The following THRB variants were observed in gnomAD, a reference collection of about 807,000 sequenced individuals.
THRB encodes the protein nuclear receptor subfamily 1 group A member 2.
Under a neutral mutation model 47.8 loss-of-function variants are expected in THRB, and 12 were observed. That is an observed-to-expected ratio of 0.25 (90% CI 0.16 to 0.41). The LOEUF is 0.41. Among genes scored for constraint, THRB ranks in the 10% least tolerant of loss-of-function variants. THRB has a pLI of 1.00. For missense variants in THRB, 348 were observed against 589.2 expected (o/e 0.59, Z 4.24); for synonymous variants, 218 against 212.2 (o/e 1.03, Z -0.24).
intron 2 of THRB, among the ~76,000 whole-genome samples, chr3:24,316,328 T>A (rs987185351): frequency 3.3e-5 from 5 of 152,212 alleles, no homozygotes; most frequent in Non-Finnish European, 5.9e-5. Context: ...ATATATTTTT[T>A]AAATATACTG....
intron 1 of THRB, among the ~76,000 whole-genome samples, chr3:24,380,170 T>C (rs1459347038): frequency 6.7e-6 from 1 of 148,818 alleles, no homozygotes; most frequent in Non-Finnish European, 1.5e-5. Flanking sequence ...GTTTACCTAC[T>C]TATGCAACCC....
chr3:24,281,211 G>A (rs899903160), intron 3 of THRB, among the ~76,000 whole-genome samples: 15 of 152,136 alleles, frequency 9.9e-5, no homozygotes, highest in African/African-American at 3.6e-4. Context: ...CCCTCAAAGG[G>A]AAGCCCATCA....
chr3:24,226,825 C>A (rs2047701428), intron 4 of THRB, among the ~76,000 whole-genome samples: 1 of 152,232 alleles, frequency 6.6e-6, no homozygotes, highest in Non-Finnish European at 1.5e-5. Flanking sequence ...AAACCACAGC[C>A]AAGTCTATTT....
At chr3:24,374,263 T>G (rs1441602761) in intron 1 of THRB, among the ~76,000 whole-genome samples, 1 of 152,080 alleles carries the variant, frequency 6.6e-6, no homozygotes, top group East Asian at 1.9e-4. Context: ...GTACTAAATA[T>G]TGTCAGAGAC....
At chr3:24,140,383 G>C (rs1393133412) in intron 8 of THRB, among the ~76,000 whole-genome samples, 6 of 152,076 alleles carry the variant, frequency 3.9e-5, no homozygotes. Context: ...GGCACAGCTA[G>C]GGGGCCCTCA....
At chr3:24,260,299 C>T (rs926551886) in intron 3 of THRB, among the ~76,000 whole-genome samples, 6 of 152,116 alleles carry the variant, frequency 3.9e-5, no homozygotes, top group African/African-American at 9.7e-5. Context: ...CAGCCCTTGC[C>T]GTATCCAGCA....
At chr3:24,271,005 A>G in intron 3 of THRB, among the ~76,000 whole-genome samples, 1 of 152,178 alleles carries the variant, frequency 6.6e-6, no homozygotes, top group Admixed American at 6.5e-5. Context: ...CTGGTCTAAC[A>G]AATTTTTCCT....
At chr3:24,244,073 G>T (rs547123598) in intron 3 of THRB, among the ~76,000 whole-genome samples, 1 of 152,250 alleles carries the variant, frequency 6.6e-6, no homozygotes, top group East Asian at 1.9e-4. Flanking sequence ...CTAGGGCTGG[G>T]TGGTGGGGGT....
At chr3:24,363,784 A>G (rs1431814630) in intron 1 of THRB, among the ~76,000 whole-genome samples, 2 of 152,208 alleles carry the variant, frequency 1.3e-5, no homozygotes, top group African/African-American at 4.8e-5. Context: ...AATACACTTC[A>G]TAATTTCCAA....
At chr3:24,483,553 G>C (rs941331489) in intron 1 of THRB, among the ~76,000 whole-genome samples, 34 of 150,754 alleles carry the variant, frequency 2.3e-4, no homozygotes, top group African/African-American at 7.5e-4. Flanking sequence ...GGATTCATCA[G>C]CAAGTTCCCA....
At chr3:24,330,404 T>C (rs1469616363) in intron 2 of THRB, among the ~76,000 whole-genome samples, 1 of 152,260 alleles carries the variant, frequency 6.6e-6, no homozygotes, top group African/African-American at 2.4e-5. Flanking sequence ...GTTTAAGTTA[T>C]AAGGCAGTTC....
In THRB at chr3:24,152,426, C is replaced by G. The variant is rs1417007751; in HGVS notation, c.348G>C (p.Gly116=). The change falls in exon 6 of 11, where the codon GGG becomes GGC. Residue 116 remains glycine (G), a synonymous_variant. Transcript: ENST00000646209. ...CACACGTGATACAGCGGTAGTGATA[C>G]CCGGTGGCTTTGTCACCACACACTA... ...LCVVCGDKAT[G]YHYRCITCEG... 18 of 1,613,224 alleles carry G rather than the reference C, an allele frequency of 1.1e-5. No individual in the cohort carries two copies. In the East Asian group the frequency reaches 1.3e-4, roughly 12 times the overall value.
chr3:24,183,429 C>G (rs1217610474), intron 5 of THRB, among the ~76,000 whole-genome samples: 2 of 146,124 alleles, frequency 1.4e-5, no homozygotes, highest in African/African-American at 5.1e-5. Flanking sequence ...TGCAATGGCG[C>G]TATCTTGGCT....
At chr3:24,178,370 G>A (rs2041450243) in intron 5 of THRB, among the ~76,000 whole-genome samples, 1 of 152,112 alleles carries the variant, frequency 6.6e-6, no homozygotes, top group Non-Finnish European at 1.5e-5. Flanking sequence ...GCTCATGCCT[G>A]TAACCCAGAG....
intron 3 of THRB, among the ~76,000 whole-genome samples, chr3:24,280,687 GA>G (rs1003704242): frequency 4.6e-5 from 7 of 152,108 alleles, no homozygotes; most frequent in Admixed American, 2.0e-4. Flanking sequence ...TGAAAACTTT[GA>G]AAAAAACTTA....
chr3:24,347,992 C>A (rs974923422), intron 1 of THRB, among the ~76,000 whole-genome samples: 2 of 151,920 alleles, frequency 1.3e-5, no homozygotes, highest in African/African-American at 2.4e-5. Context: ...TTTTATGAGG[C>A]CAGCATAGTC....
intron 2 of THRB, among the ~76,000 whole-genome samples, chr3:24,332,523 C>T (rs1003435082): frequency 2.0e-5 from 3 of 152,152 alleles, no homozygotes; most frequent in African/African-American, 7.2e-5. Context: ...GCTTCTCTTC[C>T]AAAGAACAGG....
Position 24,143,698 on chromosome 3 carries a change from C to T in THRB, c.541G>A (p.Asp181Asn). 6.2e-7 allele frequency: 1 copy of T among 1,614,142 alleles called. No individual in the cohort carries two copies. The highest frequency in any genetic ancestry group is 8.5e-7 in the Non-Finnish European group (1 of 1,180,026). Residue 181 changes from aspartate (D) to asparagine (N), a missense_variant, in exon 8 of 11, where the codon GAT (aspartate) becomes AAT (asparagine). Transcript: ENST00000646209. ...CTCTTGGCCAGCCTCTTGCTGTCATCCAGCACCACTGGGAGGGGGAGAAAG... is the reference window on the plus strand; with the variant it reads ...CTCTTGGCCAGCCTCTTGCTGTCATTCAGCACCACTGGGAGGGGGAGAAAG... ...YVGMATDLVL[D>N]DSKRLAKRKL...
chr3:24,373,951 C>T (rs1384150946), intron 1 of THRB, among the ~76,000 whole-genome samples: 1 of 151,674 alleles, frequency 6.6e-6, no homozygotes, highest in Non-Finnish European at 1.5e-5. Flanking sequence ...ACATCATTTC[C>T]CTTTTTTTTT....
Sources: allele counts gnomAD v4.1 joint callset (sites outside exome capture counted in the v4.1 genomes callset), GRCh38; gene constraint gnomAD v4.1.1; transcripts MANE v1.5; gene names NCBI Gene and HGNC (gene_info 2026-07-23, HGNC 2026-07-21).